PLCH2: variants seen among roughly 807,000 people sequenced by gnomAD.
PLCH2 encodes the protein phospholipase C eta 2.
In PLCH2, 98 loss-of-function variants were observed where a neutral mutation model predicts 134.7. The ratio of observed to expected loss-of-function variants is 0.73; its 90% confidence interval spans 0.62 to 0.86. The LOEUF is 0.86. Among genes scored for constraint, PLCH2 ranks in the 40% least tolerant of loss-of-function variants. The pLI is 0.00. For missense variants in PLCH2, 1,994 were observed against 1,986.6 expected (o/e 1.00, Z -0.07); for synonymous variants, 974 against 827.5 (o/e 1.18, Z -3.04).
At position 2,487,655 on chromosome 1, in the gene PLCH2, C is replaced by T; in HGVS notation, c.1172C>T (p.Thr391Ile). The change falls in exon 8 of 22, where the codon ACT (threonine) becomes ATT (isoleucine). Residue 391 changes from threonine (T) to isoleucine (I), a missense_variant. Around this residue, in one of 2 missense-constraint regions of PLCH2, gnomAD observed 1,094 missense variants for 1,234.3 expected, o/e 0.89. Coordinates refer to ENST00000378486, the MANE Select transcript of PLCH2 (RefSeq NM_014638.4). The part of the protein sequence containing the change: ...EPIVHHGYTL[T>I]SKILFKDVIE... The stretch of plus-strand genomic sequence containing the variant: ...ATTGTGCACCATGGCTACACTCTGA[C>T]TTCCAAGATCCTCTTCAAAGACGTC... 6.2e-7 allele frequency: 1 copy of T among 1,613,424 alleles called. No individual in the cohort carries two copies. Among genetic ancestry groups the T allele is most frequent in the Non-Finnish European group, 8.5e-7 (1 of 1,179,746 alleles).
intron 19 of PLCH2, 83 bp from the exon 20 acceptor site, chr1:2,499,558 C>T (rs1468223674): frequency 3.7e-6 from 4 of 1,074,134 alleles, no homozygotes; most frequent in African/African-American, 1.6e-5. Flanking sequence ...GGTCTTGGGA[C>T]CTTTAAGTAG....
In PLCH2 at chr1:2,504,657, C is replaced by T; in HGVS notation, c.3695C>T (p.Pro1232Leu). 1 of 1,612,588 alleles carries T rather than the reference C, an allele frequency of 6.2e-7. No homozygotes were observed. Among genetic ancestry groups the T allele is most frequent in the Non-Finnish European group, 8.5e-7 (1 of 1,179,752 alleles). Residue 1232 changes from proline (P) to leucine (L), a missense_variant, in exon 22 of 22, where the codon CCC becomes CTC. By Grantham distance (98) the Pro-to-Leu change is moderately conservative. This residue lies in a region of PLCH2 where 900 missense variants were observed against 752.3 expected (regional missense o/e 1.20). Coordinates refer to ENST00000378486, the MANE Select transcript of PLCH2 (RefSeq NM_014638.4). ...CTGGCCCCAAGGATGGCTGGCCTCC[C>T]CTTCCGGCCTCCCTGGGGCTGCCTT... ...RSLAPRMAGLPFRPPWGCLSL... is the reference protein window; with the variant it reads ...RSLAPRMAGLLFRPPWGCLSL...
chr1:2,475,081 T>G (rs1052375676), upstream of PLCH2, among the ~76,000 whole-genome samples: 2 of 152,084 alleles, frequency 1.3e-5, no homozygotes, highest in African/African-American at 4.8e-5. Flanking sequence ...GGGCCTGGGT[T>G]GGCTCTGTGC....
intron 2 of PLCH2, among the ~76,000 whole-genome samples, chr1:2,443,748 C>T (rs1478094874): frequency 1.4e-5 from 2 of 147,604 alleles, no homozygotes; most frequent in East Asian, 3.9e-4. Context: ...TGACAGCGCG[C>T]TCCTCGCGCG....
intron 2 of PLCH2, 89 bp from the exon 3 acceptor site, chr1:2,479,645 G>A (rs779901870): frequency 8.0e-6 from 11 of 1,381,962 alleles, no homozygotes; most frequent in African/African-American, 2.9e-5. Context: ...AGGAGCTCCC[G>A]GCTGCTTGGT....
intron 2 of PLCH2, among the ~76,000 whole-genome samples, chr1:2,441,730 G>C (rs1639701075): frequency 6.6e-6 from 1 of 152,122 alleles, no homozygotes; most frequent in East Asian, 1.9e-4. Context: ...CCGTGGGCCA[G>C]TGTGGCCAAG....
intron 2 of PLCH2, among the ~76,000 whole-genome samples, chr1:2,450,844 C>T (rs1220126463): frequency 2.7e-5 from 4 of 149,848 alleles, no homozygotes; most frequent in Admixed American, 6.6e-5. Flanking sequence ...CCCACCTGTC[C>T]GCCCACCAGT....
At chr1:2,428,046 A>T (rs1194280162) in intron 1 of PLCH2, among the ~76,000 whole-genome samples, 1 of 152,130 alleles carries the variant, frequency 6.6e-6, no homozygotes, top group Non-Finnish European at 1.5e-5. Context: ...CTCGGCCCGG[A>T]GCTGGGCCTG....
chr1:2,428,237 A>C (rs369308845), intron 1 of PLCH2, among the ~76,000 whole-genome samples: 1 of 152,200 alleles, frequency 6.6e-6, no homozygotes. Context: ...TCCCCTTCTT[A>C]GGCCAGGGTC....
intron 2 of PLCH2, among the ~76,000 whole-genome samples, 180 bp downstream of exon 2, chr1:2,478,802 G>A (rs1046936072): frequency 2.6e-5 from 4 of 152,134 alleles, no homozygotes; most frequent in African/African-American, 9.7e-5. Flanking sequence ...GAGGGATCCA[G>A]GCCCCCTGCC....
intron 2 of PLCH2, 25 bp from the exon 3 acceptor site, chr1:2,479,709 C>A (rs980765467): frequency 6.6e-7 from 1 of 1,523,594 alleles, no homozygotes; most frequent in South Asian, 1.2e-5. Context: ...GGGGACCTGA[C>A]CCGTGCTCCC....
In PLCH2 at chr1:2,429,509, GGAGGCTGAGCA is replaced by G. The variant is rs1381484920; in HGVS notation, c.-177-821_-177-811del. Among the ~76,000 whole-genome samples, 15 of 152,308 alleles carry G rather than the reference GGAGGCTGAGCA, an allele frequency of 9.8e-5. No homozygotes were observed. In the East Asian group the frequency reaches 1.7e-3, roughly 18 times the overall value. On this transcript the variant is annotated intron_variant, in intron 1 of 3. Coordinates refer to the PLCH2 transcript ENST00000609981. ...TGGTGGAAAGGCGGGTTCTGGGCAG[GGAGGCTGAGCA>G]GAGGCTGGTGGGACGGAACCCCTGG...
At chr1:2,449,855 C>T (rs1023583975) in intron 2 of PLCH2, among the ~76,000 whole-genome samples, 7 of 152,230 alleles carry the variant, frequency 4.6e-5, no homozygotes, top group Admixed American at 2.6e-4. Flanking sequence ...GCCCCTGCTC[C>T]GTGACGCTCC....
rs1396567390 is a variant in PLCH2, at chr1:2,459,635, TGTGGTCTTCCTTTCCG to T, written c.116-18834_116-18819del. 6.2e-3 allele frequency among the ~76,000 whole-genome samples: 70 copies of T among 11,204 alleles called. 3 individuals carry two copies. The highest frequency in any genetic ancestry group is 0.062 in the Middle Eastern group (1 of 16). The allele number at this position is 11,204 out of a possible 152,430, so 7.4% of individuals were successfully genotyped here. ...CTCCTTGCCTGTGGTCCTCCTTGCC[TGTGGTCTTCCTTTCCG>T]GTGGTCCTCCTTGCCTGTGGTCTTC... On this transcript the variant is annotated intron_variant, in intron 2 of 3. Transcript: ENST00000609981.
chr1:2,497,625 A>G lies in PLCH2; in HGVS notation c.2224+16A>G, dbSNP rs1642969683. On this transcript the variant is annotated intron_variant, in intron 16 of 21. Coordinates refer to ENST00000378486, the MANE Select transcript of PLCH2 (RefSeq NM_014638.4). ...ATGTGCCAGGGTGAGGCACTCGGAC[A>G]CTCAGGGCTCGGACGCTCAGGGCTC... 6 of 1,520,772 alleles carry G rather than the reference A, an allele frequency of 3.9e-6. No homozygotes were observed. The highest frequency in any genetic ancestry group is 1.2e-5 in the South Asian group (1 of 83,216). The allele number at this position is 1,520,772 out of a possible 1,614,324, so 94.2% of individuals were successfully genotyped here.
intron 3 of PLCH2, 34 bp from the exon 4 acceptor site, chr1:2,480,149 A>G (rs754282353): frequency 1.9e-6 from 3 of 1,611,170 alleles, no homozygotes; most frequent in African/African-American, 1.3e-5. Context: ...GGCTGGGCCC[A>G]TGGATCGCTG....
At chr1:2,462,277 G>A (rs1165570154) in intron 2 of PLCH2, among the ~76,000 whole-genome samples, 16 of 86,842 alleles carry the variant, frequency 1.8e-4, no homozygotes, top group Admixed American at 5.1e-4. Flanking sequence ...CCTCTGCCTG[G>A]TACCCCCTCC....
rs1234235009 is a variant in PLCH2 at position 2,491,295 on chromosome 1, C to T, written c.1619C>T (p.Ser540Phe). Residue 540 changes from serine (S) to phenylalanine (F), a missense_variant, in exon 11 of 22, where the codon TCC (serine) becomes TTC (phenylalanine). This residue lies in a region of PLCH2 where 1,094 missense variants were observed against 1,234.3 expected (regional missense o/e 0.89). Transcript: ENST00000378486. ...GACTGTGAGGACCCCAACAACTTCT[C>T]CGTCTCCACACTGTCCCCATCTGGA... ...IRDCEDPNNF[S>F]VSTLSPSGKL... The T allele has an allele frequency of 1.2e-6, 2 of 1,613,322 alleles. No individual in the cohort carries two copies. The highest frequency in any genetic ancestry group is 1.1e-5 in the South Asian group (1 of 91,086).
chr1:2,448,599 C>T lies in PLCH2; in HGVS notation c.115+17970C>T, dbSNP rs1039850348. On this transcript the variant is annotated intron_variant, in intron 2 of 3. Transcript: ENST00000609981. This position sits in a 1 kb window ranked among gnomAD's most constrained non-coding sequence, Gnocchi z 4.0. Reference sequence around the variant, plus strand: ...TCTGGGATGCGGATGTGTTTTCTGTCGGGGGTCGCCCTTCAGCCCCCTACT... The same window carrying T: ...TCTGGGATGCGGATGTGTTTTCTGTTGGGGGTCGCCCTTCAGCCCCCTACT... 2.6e-5 allele frequency among the ~76,000 whole-genome samples: 4 copies of T among 152,152 alleles called. No homozygotes were observed. The highest frequency in any genetic ancestry group is 6.5e-5 in the Admixed American group (1 of 15,278).
Sources: gnomAD v4.1 joint callset for allele counts (sites outside exome capture counted in the v4.1 genomes callset) on GRCh38, gnomAD v4.1.1 for gene constraint, gnomAD v4.1.1 regional missense constraint, Gnocchi (gnomAD v3.1) non-coding constraint, MANE v1.5 for transcripts, NCBI Gene and HGNC (gene_info 2026-07-23, HGNC 2026-07-21) for gene names.